Variants in MOSPD1 observed in about 807,000 individuals in gnomAD.
MOSPD1 encodes the protein motile sperm domain-containing protein 1.
A neutral mutation model predicts 16.7 loss-of-function variants in MOSPD1; 5 were observed. The ratio of observed to expected loss-of-function variants is 0.30; its 90% CI spans 0.16 to 0.63. The LOEUF is 0.63. MOSPD1 is among the 30% of genes least tolerant of loss of function. The probability of loss-of-function intolerance (pLI) is 0.82; values close to 1 mark genes in which losing one functional copy is unlikely to be tolerated. For synonymous variants in MOSPD1, 67 were observed against 59.2 expected, an observed-to-expected ratio of 1.13 and a Z score of -0.61; for missense variants, 104 against 153.6, an observed-to-expected ratio of 0.68 and a Z score of 1.71.
In MOSPD1 at chrX:134,896,007, A is replaced by AT. The variant is rs749252291; in HGVS notation, c.448+809dup. On this transcript the variant is annotated intron_variant, in intron 4 of 5. Transcript: ENST00000370783. ...TACGACTGAATGTAACAGCAAGTAG[A>AT]TTTTTTTTAATCCTTCATAAAATGT... Among the ~76,000 whole-genome samples, 102 of 111,086 alleles carry AT rather than the reference A, an allele frequency of 9.2e-4. No individual in the cohort carries two copies. The Admixed American group carries it at 9.3e-3, about 10-fold the overall frequency.
chrX:134,904,637 G>A (rs1256999324), intron 1 of MOSPD1, among the ~76,000 whole-genome samples: 8 of 110,769 alleles, frequency 7.2e-5, no homozygotes, highest in East Asian at 2.8e-4. Flanking sequence ...CAAGGTGGGC[G>A]GATCACCTGA....
At chrX:134,899,715 G>A in intron 1 of MOSPD1, 181 bp from the exon 2 acceptor site, 1 of 217,332 alleles carries the variant, frequency 4.6e-6, no homozygotes, top group Non-Finnish European at 8.2e-6. Context: ...TATCACTTGA[G>A]GTCAGGAGTT....
rs771512047 is a variant in MOSPD1, at chrX:134,890,359, G to A, written c.610+1120C>T. Among the ~76,000 whole-genome samples the A allele has an allele frequency of 4.1e-4, 45 of 110,197 alleles. 1 individual carries two copies. In the South Asian group the frequency reaches 0.018, roughly 44 times the overall value. On this transcript the variant is annotated intron_variant, in intron 5 of 5. Coordinates refer to ENST00000370783, the MANE Select transcript of MOSPD1 (RefSeq NM_019556.3). ...ATCCTATGGATTATGGGGAACCACT[G>A]AAGGTTTCTGACTAGGGGGTGGTTG...
intron 1 of MOSPD1, among the ~76,000 whole-genome samples, chrX:134,903,684 C>T (rs1329770422): frequency 2.1e-5 from 2 of 95,114 alleles, no homozygotes; most frequent in Non-Finnish European, 4.1e-5. Flanking sequence ...TGCACTCCAC[C>T]CTGGGTGACA....
intron 3 of MOSPD1, 106 bp from the exon 4 acceptor site, chrX:134,897,140 C>T (rs2082889056): frequency 2.0e-6 from 1 of 497,697 alleles, no homozygotes; most frequent in African/African-American, 2.4e-5. Context: ...TGACTACAAC[C>T]AAATACTCAA....
intron 1 of MOSPD1, among the ~76,000 whole-genome samples, chrX:134,903,986 G>A (rs1463951284): frequency 3.6e-5 from 4 of 111,515 alleles, no homozygotes; most frequent in Admixed American, 9.6e-5. Flanking sequence ...GCAGTGAGCC[G>A]AGACTGTGCC....
intron 5 of MOSPD1, 34 bp downstream of exon 5, chrX:134,891,445 A>G (rs770643832): frequency 7.5e-6 from 9 of 1,196,519 alleles, no homozygotes; most frequent in Non-Finnish European, 1.0e-5. Flanking sequence ...AAAGCCCTAC[A>G]CATATGTCCC....
Position 134,891,574 on chromosome X carries a change from G to A in MOSPD1, c.515C>T (p.Ala172Val), listed in dbSNP as rs201496131. The A allele has an allele frequency of 1.3e-4, 159 of 1,208,927 alleles. No individual in the cohort carries two copies. Among genetic ancestry groups the A allele is most frequent in the Non-Finnish European group, 2.3e-5 (21 of 894,467 alleles). The change falls in exon 5 of 6, where the codon GCC becomes GTC. Residue 172 changes from alanine (A) to valine (V), a missense_variant. This residue lies in a region of MOSPD1 where 68 missense variants were observed against 73.1 expected (regional missense o/e 0.93). Transcript: ENST00000370783. ...TVFLGVVCIA[A>V]LMLPTLGDVE... Reference sequence around the variant, plus strand: ...ATCCCCCAGTGTAGGCAGCATCAGGGCTGCAATGCACACCACTCCCAGGAA... The same window carrying A: ...ATCCCCCAGTGTAGGCAGCATCAGGACTGCAATGCACACCACTCCCAGGAA...
At chrX:134,914,764 C>T (rs2082989813) in intron 1 of MOSPD1, among the ~76,000 whole-genome samples, 1 of 112,568 alleles carries the variant, frequency 8.9e-6, no homozygotes, top group Admixed American at 9.3e-5. Context: ...AGGACGGTGT[C>T]ACCCCAAACG....
intron 1 of MOSPD1, among the ~76,000 whole-genome samples, chrX:134,912,403 G>T (rs2082976454): frequency 9.1e-6 from 1 of 109,391 alleles, no homozygotes; most frequent in African/African-American, 3.3e-5. Flanking sequence ...GGCTGGTCTT[G>T]AACTCCCTCA....
chrX:134,900,459 A>G (rs931217702), intron 1 of MOSPD1, among the ~76,000 whole-genome samples: 24 of 111,994 alleles, frequency 2.1e-4, no homozygotes, highest in African/African-American at 7.8e-4. Flanking sequence ...CATGCTAAGC[A>G]GTCCTTGGAA....
intron 5 of MOSPD1, 28 bp downstream of exon 5, chrX:134,891,451 G>A (rs2082862656): frequency 8.4e-7 from 1 of 1,195,762 alleles, no homozygotes; most frequent in Non-Finnish European, 1.1e-6. Flanking sequence ...CTACACATAT[G>A]TCCCAAATGC....
chrX:134,887,809 T>C lies in MOSPD1; in HGVS notation c.*1352A>G, dbSNP rs1188562098. On this transcript the variant is annotated 3_prime_UTR_variant, in exon 6 of 6. Transcript: ENST00000370783. The stretch of plus-strand genomic sequence containing the variant: ...AAAGTAGATTACATTTATGTGCTTT[T>C]CATTCATTACACAATGTACAGACAT... The C allele has an allele frequency of 1.8e-5, 2 of 113,201 alleles. No homozygotes were observed. Among genetic ancestry groups the C allele is most frequent in the African/African-American group, 6.4e-5 (2 of 31,135 alleles). 9.3% of individuals were successfully genotyped at this position (113,201 alleles called of 1,213,427 possible). A position where few individuals can be genotyped will look rare whatever the true frequency, so the allele number is the denominator to read the frequency against.
chrX:134,899,816 G>C (rs920428696), intron 1 of MOSPD1: 3 of 116,004 alleles, frequency 2.6e-5, no homozygotes, highest in African/African-American at 9.8e-5. Context: ...AAATTAGCTG[G>C]GTGTGGTGAC....
intron 3 of MOSPD1, among the ~76,000 whole-genome samples, chrX:134,897,634 AT>A (rs900380557): frequency 9.3e-6 from 1 of 107,270 alleles, no homozygotes; most frequent in African/African-American, 3.4e-5. Flanking sequence ...GTGCAGCAAC[AT>A]TTACTAAATA....
chrX:134,914,288 T>A (rs1030714471), intron 1 of MOSPD1, among the ~76,000 whole-genome samples: 1 of 112,074 alleles, frequency 8.9e-6, no homozygotes, highest in Admixed American at 9.5e-5. Flanking sequence ...GGGGCAGATC[T>A]GCTACTTCAG....
rs145465270 is a variant in MOSPD1, at chrX:134,896,893, T to C, written c.372A>G (p.Gln124=). The change falls in exon 4 of 6, where the codon CAA becomes CAG. Residue 124 remains glutamine, a synonymous_variant. Coordinates refer to ENST00000370783, the MANE Select transcript of MOSPD1 (RefSeq NM_019556.3). ...ATCTTTTTTCCTCTTCTTCCTTTTG[T>C]TGTTCTTTTGCTGATGGGAGAAGAG... ...VATLLPSAKE[Q]QKEEEEKRLK... is the part of the protein sequence containing the mutation. The C allele has an allele frequency of 1.7e-5, 20 of 1,209,226 alleles. No individual in the cohort carries two copies. In the African/African-American group the frequency reaches 3.1e-4, roughly 19 times the overall value.
Position 134,899,517 on chromosome X carries a change from C to A in MOSPD1, c.-84G>T. On this transcript the variant is annotated 5_prime_UTR_variant, in exon 2 of 6. Coordinates refer to ENST00000370783, the MANE Select transcript of MOSPD1 (RefSeq NM_019556.3). ...CTTTTCTTAGATTCAGTTAAAAACT[C>A]CAAAGCATTTTGGCAATCTAGAAAT... The A allele has an allele frequency of 2.1e-6, 2 of 959,340 alleles. No homozygotes were observed. Among genetic ancestry groups the A allele is most frequent in the African/African-American group, 2.0e-5 (1 of 50,419 alleles). 79.1% of individuals were successfully genotyped at this position (959,340 alleles called of 1,213,427 possible).
chrX:134,912,888 G>A (rs1339248089), intron 1 of MOSPD1, among the ~76,000 whole-genome samples: 3 of 106,607 alleles, frequency 2.8e-5, no homozygotes, highest in South Asian at 8.4e-4. Flanking sequence ...GCAGTGAGCC[G>A]AGATTGTGCC....
Sources: gnomAD v4.1 joint callset for allele counts (sites outside exome capture counted in the v4.1 genomes callset) on GRCh38, gnomAD v4.1.1 for gene constraint, gnomAD v4.1.1 regional missense constraint, MANE v1.5 for transcripts, NCBI Gene and HGNC (gene_info 2026-07-23, HGNC 2026-07-21) for gene names.